Variants in WHRN observed in about 807,000 individuals in gnomAD.
The protein encoded by WHRN is whirlin.
A neutral mutation model predicts 68.3 loss-of-function variants in WHRN; 41 were observed. That is an observed-to-expected ratio of 0.60 (90% CI 0.47 to 0.78). The LOEUF is 0.78. Ranked by LOEUF, WHRN falls within the 30% of genes least tolerant of loss-of-function variation. The pLI is 0.00. For synonymous variants in WHRN, 560 were observed against 561.3 expected (o/e 1.00, Z 0.03); for missense variants, 1,243 against 1,244.7 (o/e 1.00, Z 0.02).
chr9:114,420,910 G>A (rs1018473262), intron 7 of WHRN, among the ~76,000 whole-genome samples: 7 of 151,944 alleles, frequency 4.6e-5, no homozygotes, highest in African/African-American at 1.7e-4. Flanking sequence ...AGGAAATCAA[G>A]GCACCGCGAG....
chr9:114,414,671 C>T (rs986955229), intron 7 of WHRN, among the ~76,000 whole-genome samples: 3 of 152,220 alleles, frequency 2.0e-5, no homozygotes, highest in African/African-American at 7.2e-5. Flanking sequence ...CCATAAACCG[C>T]TACAGAGACA....
At chr9:114,486,959 GTATATATATATATATATATATATATATA>G (rs869241280) in intron 1 of WHRN, among the ~76,000 whole-genome samples, 1,350 of 4,996 alleles carry the variant, frequency 0.27, 73 homozygotes, top group Middle Eastern at 0.5. Flanking sequence ...GTGTGTGTGT[GTATATATATATATATATATATATATATA>G]TATATATATA....
intron 1 of WHRN, chr9:114,503,118 C>A (rs1202779620): frequency 1.0e-6 from 1 of 985,274 alleles, no homozygotes; most frequent in Non-Finnish European, 1.2e-6. Context: ...TGGACACAGG[C>A]CACTGAACGG....
chr9:114,402,520 G>A lies in WHRN; in HGVS notation c.*234C>T, dbSNP rs1834753481. ...TCCTGTCTTGCAACCCACTTGTCCTGGGCGCCTACTGTGTACCCAGTACAG... is the reference window on the plus strand; with the variant it reads ...TCCTGTCTTGCAACCCACTTGTCCTAGGCGCCTACTGTGTACCCAGTACAG... On this transcript the variant is annotated 3_prime_UTR_variant, in exon 12 of 12. Transcript: ENST00000362057. The A allele has an allele frequency of 1.7e-5, 10 of 589,266 alleles. No individual in the cohort carries two copies. The highest frequency in any genetic ancestry group is 1.6e-4 in the South Asian group (8 of 50,552). The allele number at this position is 589,266 out of a possible 1,614,324, so 36.5% of individuals were successfully genotyped here.
chr9:114,496,024 G>A (rs1463166114), intron 1 of WHRN, among the ~76,000 whole-genome samples: 3 of 152,182 alleles, frequency 2.0e-5, no homozygotes, highest in South Asian at 2.1e-4. Flanking sequence ...CTTTTCAGAT[G>A]TAGCTCAAAT....
chr9:114,419,351 G>A (rs1180539782), intron 7 of WHRN, among the ~76,000 whole-genome samples: 3 of 152,236 alleles, frequency 2.0e-5, no homozygotes, highest in African/African-American at 7.2e-5. Context: ...ACAAATCTCA[G>A]CCACTATTGT....
intron 3 of WHRN, among the ~76,000 whole-genome samples, chr9:114,430,740 G>T (rs1837347128): frequency 6.6e-6 from 1 of 152,192 alleles, no homozygotes; most frequent in Non-Finnish European, 1.5e-5. Flanking sequence ...ATCTGCCTGG[G>T]GAACGGCTGT....
At chr9:114,489,373 C>T (rs1564222336) in intron 1 of WHRN, among the ~76,000 whole-genome samples, 1 of 152,042 alleles carries the variant, frequency 6.6e-6, no homozygotes, top group Non-Finnish European at 1.5e-5. Context: ...GGAAATAATC[C>T]ATTAATTTCT....
At position 114,500,261 on chromosome 9, in the gene WHRN, T is replaced by A. The variant is rs148451123; in HGVS notation, c.618+3923A>T. Among the ~76,000 whole-genome samples the A allele has an allele frequency of 4.9e-4, 74 of 152,318 alleles. 3 individuals are homozygous for A. The East Asian group carries it at 8.9e-3, about 18-fold the overall frequency. On this transcript the variant is annotated intron_variant, in intron 1 of 11. Coordinates refer to ENST00000362057, the MANE Select transcript of WHRN (RefSeq NM_015404.4). ...GAAAACAGGGCCAGAGGAAGGTCTG[T>A]GCATGCCATGGTGCCACGGTTTCCA...
At chr9:114,403,058 G>C in intron 11 of WHRN, 122 bp from the exon 12 acceptor site, 1 of 1,524,312 alleles carries the variant, frequency 6.6e-7, no homozygotes, top group Non-Finnish European at 9.0e-7. Context: ...TCCACTTCTC[G>C]GATTAGGAAA....
chr9:114,410,680 G>A (rs1463348924), intron 7 of WHRN, among the ~76,000 whole-genome samples: 1 of 152,208 alleles, frequency 6.6e-6, no homozygotes, highest in Non-Finnish European at 1.5e-5. Flanking sequence ...GATGCTTCAG[G>A]GGCATAGTCA....
At chr9:114,455,713 CAA>C (rs34546424) in intron 3 of WHRN, among the ~76,000 whole-genome samples, 11,943 of 123,232 alleles carry the variant, frequency 0.097, 1,274 homozygotes, top group African/African-American at 0.3. Context: ...GACCCTGTCT[CAA>C]AAAAAAAAAA....
chr9:114,469,818 G>C (rs935853497), intron 2 of WHRN, among the ~76,000 whole-genome samples: 7 of 152,192 alleles, frequency 4.6e-5, no homozygotes, highest in Non-Finnish European at 5.9e-5. Context: ...GTGCCAAAAG[G>C]ACCACACTTC....
intron 3 of WHRN, among the ~76,000 whole-genome samples, chr9:114,465,273 C>A (rs928816982): frequency 7.9e-5 from 12 of 152,212 alleles, no homozygotes; most frequent in African/African-American, 2.9e-4. Context: ...ATGAAATCTC[C>A]TGATATTAGG....
chr9:114,496,865 T>C (rs1239200454), intron 1 of WHRN, among the ~76,000 whole-genome samples: 1 of 152,176 alleles, frequency 6.6e-6, no homozygotes, highest in Non-Finnish European at 1.5e-5. Flanking sequence ...TTCCAGTACG[T>C]CAGTTGACCT....
At chr9:114,457,780 G>A (rs1041363613) in intron 3 of WHRN, among the ~76,000 whole-genome samples, 3 of 152,182 alleles carry the variant, frequency 2.0e-5, no homozygotes, top group Non-Finnish European at 4.4e-5. Context: ...GCCAGGCATG[G>A]TGGCAGGCAC....
chr9:114,448,850 C>A (rs1839066139), intron 3 of WHRN, among the ~76,000 whole-genome samples: 1 of 152,200 alleles, frequency 6.6e-6, no homozygotes, highest in Non-Finnish European at 1.5e-5. Context: ...AGACACATCA[C>A]CCCTGCTGTG....
chr9:114,473,248 C>G (rs895276146), intron 2 of WHRN, among the ~76,000 whole-genome samples: 1 of 152,252 alleles, frequency 6.6e-6, no homozygotes, highest in Admixed American at 6.5e-5. Context: ...CATCTGAGTT[C>G]TACAAATAGC....
At chr9:114,442,847 T>C (rs1179245498) in intron 3 of WHRN, among the ~76,000 whole-genome samples, 1 of 152,196 alleles carries the variant, frequency 6.6e-6, no homozygotes, top group Non-Finnish European at 1.5e-5. Context: ...TTACCCAGGC[T>C]CGGATATTCC....
Sources: allele counts gnomAD v4.1 joint callset (sites outside exome capture counted in the v4.1 genomes callset), GRCh38; gene constraint gnomAD v4.1.1; transcripts MANE v1.5; gene names NCBI Gene and HGNC (gene_info 2026-07-23, HGNC 2026-07-21).